KRT3: variants seen among roughly 807,000 people sequenced by gnomAD.
The protein encoded by KRT3 is keratin, type II cytoskeletal 3.
A neutral mutation model predicts 45.8 loss-of-function variants in KRT3; 34 were observed. That is an observed-to-expected ratio of 0.74 (90% CI 0.57 to 0.99). The LOEUF is 0.99. Among genes scored for constraint, KRT3 ranks in the 50% least tolerant of loss-of-function variants. The probability of loss-of-function intolerance (pLI) is 0.00; values close to 1 mark genes in which losing one functional copy is unlikely to be tolerated. For missense variants in KRT3, 828 were observed against 820.6 expected (o/e 1.01, Z -0.11); for synonymous variants, 367 against 329.0 (o/e 1.12, Z -1.25).
rs917107183 is a variant in KRT3 at position 52,792,256 on chromosome 12, C to A, written c.1171G>T (p.Ala391Ser). 6.2e-7 allele frequency: 1 copy of A among 1,614,022 alleles called. No homozygotes were observed. Among genetic ancestry groups the A allele is most frequent in the Middle Eastern group, 1.7e-4 (1 of 6,026 alleles). Reference sequence around the variant, plus strand: ...GCACCCACCTTGGTCTGGTACAGGGCCTCAGCTTCGGCCTTGCTTCTCTGA... The same window carrying A: ...GCACCCACCTTGGTCTGGTACAGGGACTCAGCTTCGGCCTTGCTTCTCTGA... ...IAQRSKAEAE[A>S]LYQTKLGELQ... The change falls in exon 5 of 9, where the codon GCC becomes TCC. Residue 391 changes from alanine (A) to serine (S), a missense_variant. Ala to Ser is a moderately conservative substitution (Grantham distance 99). Coordinates refer to ENST00000417996, the MANE Select transcript of KRT3 (RefSeq NM_057088.3).
rs1565679906 is a variant in KRT3 at position 52,795,975 on chromosome 12, A to T, written c.68T>A (p.Val23Asp). 2.5e-6 allele frequency: 4 copies of T among 1,613,960 alleles called. No individual in the cohort carries two copies. Among genetic ancestry groups the T allele is most frequent in the Non-Finnish European group, 2.5e-6 (3 of 1,179,970 alleles). Residue 23 changes from valine to aspartate, a missense_variant, in exon 1 of 9, where the codon GTC (valine) becomes GAC (aspartate). Physicochemically the swap from Val to Asp is radical, Grantham distance 152. Transcript: ENST00000417996. ...ACAGCTCATCCTGCTGCTGCCGGAG[A>T]CCACAGCAGAGCGGCCGGAGAAACC... ...SQGFSGRSAV[V>D]SGSSRMSCVA... is the part of the protein sequence containing the mutation.
chr12:52,796,053 T>C lies in KRT3; in HGVS notation c.-11A>G, dbSNP rs535660288. 1.3e-5 allele frequency: 21 copies of C among 1,612,508 alleles called. 1 individual carries two copies. The South Asian group carries it at 2.1e-4, about 16-fold the overall frequency. On this transcript the variant is annotated 5_prime_UTR_variant, in exon 1 of 9. Coordinates refer to ENST00000417996, the MANE Select transcript of KRT3 (RefSeq NM_057088.3). ...GGCTTGTCTGCTCATGGTAAGGAGC[T>C]TGGCGAAGAGAAGAGTGTAAGTTAA...
At chr12:52,792,625 G>A (rs1461486094) in intron 4 of KRT3, 86 bp downstream of exon 4, 1 of 1,063,054 alleles carries the variant, frequency 9.4e-7, no homozygotes, top group African/African-American at 1.6e-5. Context: ...GATGTCTTCT[G>A]GGGCCTATAT....
At chr12:52,792,935 G>A (rs554920821) in intron 3 of KRT3, 129 bp from the exon 4 acceptor site, 16 of 725,706 alleles carry the variant, frequency 2.2e-5, no homozygotes, top group African/African-American at 3.5e-5. Flanking sequence ...CCACTTGAAC[G>A]GGCAATTTGT....
At chr12:52,792,843 A>G (rs1359239682) in intron 3 of KRT3, 37 bp from the exon 4 acceptor site, 13 of 1,351,214 alleles carry the variant, frequency 9.6e-6, no homozygotes, top group Non-Finnish European at 1.3e-5. Context: ...TATTCTCCCA[A>G]TGAACAAACA....
chr12:52,790,148 C>T lies in KRT3; in HGVS notation c.1781G>A (p.Gly594Asp). The T allele has an allele frequency of 6.5e-7, 1 of 1,547,634 alleles. No individual in the cohort carries two copies. Among genetic ancestry groups the T allele is most frequent in the Middle Eastern group, 1.7e-4 (1 of 5,758 alleles). The change falls in exon 9 of 9, where the codon GGC becomes GAC. Residue 594 changes from glycine (G) to aspartate (D), a missense_variant. By Grantham distance (94) the Gly-to-Asp change is moderately conservative. Transcript: ENST00000417996. ...CCCGCCACTGACTCCATAGCGGGCG[C>T]CAGAGATGGAGCCAAAGCCGCTGCC... is the stretch of plus-strand genomic sequence containing the variant. ...SGGSGFGSIS[G>D]ARYGVSGGGF...
Position 52,791,324 on chromosome 12 carries a change from G to T in KRT3, c.1417C>A (p.Gln473Lys). The change falls in exon 7 of 9, where the codon CAG becomes AAG. Residue 473 changes from glutamine to lysine, a missense_variant. Gln to Lys is a moderately conservative substitution (Grantham distance 53). Coordinates refer to ENST00000417996, the MANE Select transcript of KRT3 (RefSeq NM_057088.3). ...AGCCGCGCCAGGTCATCCTTCGCCT[G>T]CTGTAGAGCAGCCTGCAGCTCTTGG... ...KLQELQAALQ[Q>K]AKDDLARLLR... The T allele has an allele frequency of 6.2e-7, 1 of 1,614,258 alleles. No homozygotes were observed. Among genetic ancestry groups the T allele is most frequent in the South Asian group, 1.1e-5 (1 of 91,090 alleles).
rs1410748881 is a variant in KRT3 at position 52,793,033 on chromosome 12, C to A, written c.927+130G>T. The A allele has an allele frequency of 8.3e-6, 6 of 720,750 alleles. No individual in the cohort carries two copies. The South Asian group carries it at 8.9e-5, about 11-fold the overall frequency. 44.6% of individuals were successfully genotyped at this position (720,750 alleles called of 1,614,324 possible). On this transcript the variant is annotated intron_variant, in intron 3 of 8. Transcript: ENST00000417996. ...TTTAGGGATCTTCCAGACTAAGGTG[C>A]ACCTGACTTCTGTTTATTGCTCCAA...
Position 52,795,535 on chromosome 12 carries a change from T to A in KRT3, c.508A>T (p.Ile170Phe). The change falls in exon 1 of 9, where the codon ATT (isoleucine) becomes TTT (phenylalanine). Residue 170 changes from isoleucine (I) to phenylalanine (F), a missense_variant. Physicochemically the swap from Ile to Phe is conservative, Grantham distance 21 (BLOSUM62 0). Coordinates refer to ENST00000417996, the MANE Select transcript of KRT3 (RefSeq NM_057088.3). ...GFGPGGFPGG[I>F]QEVTINQSLL... ...CTCTGGTTGATAGTCACTTCCTGAA[T>A]TCCCCCAGGAAAGCCCCCAGGGCCA... 6.2e-7 allele frequency: 1 copy of A among 1,614,022 alleles called. No individual in the cohort carries two copies. Among genetic ancestry groups the A allele is most frequent in the Non-Finnish European group, 8.5e-7 (1 of 1,179,980 alleles).
At chr12:52,792,452 C>G (rs778224282) in intron 4 of KRT3, 49 bp from the exon 5 acceptor site, 1 of 1,561,938 alleles carries the variant, frequency 6.4e-7, no homozygotes, top group South Asian at 1.1e-5. Context: ...CTGTAACAAG[C>G]ACACAGGGCC....
At position 52,792,279 on chromosome 12, in the gene KRT3, T is replaced by A. The variant is rs746507044; in HGVS notation, c.1148A>T (p.Gln383Leu). 4 of 1,614,174 alleles carry A rather than the reference T, an allele frequency of 2.5e-6. No individual in the cohort carries two copies. The highest frequency in any genetic ancestry group is 3.4e-6 in the Non-Finnish European group (4 of 1,180,012). ...GGCCTCAGCTTCGGCCTTGCTTCTC[T>A]GAGCGATATCCTCATACTGTGCACG... ...EVRAQYEDIAQRSKAEAEALY... is the reference protein window; with the variant it reads ...EVRAQYEDIALRSKAEAEALY... Residue 383 changes from glutamine (Q) to leucine (L), a missense_variant, in exon 5 of 9, where the codon CAG (glutamine) becomes CTG (leucine). Coordinates refer to ENST00000417996, the MANE Select transcript of KRT3 (RefSeq NM_057088.3).
In KRT3 at chr12:52,793,159, T is replaced by C; in HGVS notation, c.927+4A>G. On this transcript the variant is annotated splice_donor_region_variant and intron_variant, in intron 3 of 8. Coordinates refer to ENST00000417996, the MANE Select transcript of KRT3 (RefSeq NM_057088.3). ...GCCTCAGAAACCTCACACACAGCCC[T>C]TACCTTCTTCAGAGTCACAAATTCA... 1 of 1,610,168 alleles carries C rather than the reference T, an allele frequency of 6.2e-7. No homozygotes were observed. The highest frequency in any genetic ancestry group is 8.5e-7 in the Non-Finnish European group (1 of 1,177,594).
rs767061040 is a variant in KRT3, at chr12:52,795,757, C to T, written c.286G>A (p.Gly96Ser). ...CCACCTCCATAGCCGCTCCCAAAGC[C>T]ACCTCCATAGCCACCTGCAAAGGCA... ...SCAFAGGYGG[G>S]FGSGYGGGFG... The change falls in exon 1 of 9, where the codon GGC (glycine) becomes AGC (serine). Residue 96 changes from glycine to serine, a missense_variant. Transcript: ENST00000417996. 1 of 1,613,986 alleles carries T rather than the reference C, an allele frequency of 6.2e-7. No homozygotes were observed. Among genetic ancestry groups the T allele is most frequent in the Non-Finnish European group, 8.5e-7 (1 of 1,179,850 alleles).
At chr12:52,793,614 CAT>C (rs1384419197) in intron 2 of KRT3, among the ~76,000 whole-genome samples, 1 of 151,804 alleles carries the variant, frequency 6.6e-6, no homozygotes, top group African/African-American at 2.4e-5. Context: ...TTTTTTTAGA[CAT>C]AGTCTCGCTC....
intron 2 of KRT3, 57 bp from the exon 3 acceptor site, chr12:52,793,280 T>C (rs753369324): frequency 5.4e-5 from 66 of 1,220,880 alleles, no homozygotes; most frequent in Admixed American, 2.9e-4. Flanking sequence ...GTAAACACCA[T>C]TGTTCCCTGG....
chr12:52,790,931 A>G (rs1161137352), intron 7 of KRT3, 59 bp from the exon 8 acceptor site: 2 of 1,514,072 alleles, frequency 1.3e-6, no homozygotes, highest in Non-Finnish European at 1.8e-6. Context: ...CAACAAGTCC[A>G]CGGACCAAGG....
At position 52,789,766 on chromosome 12, in the gene KRT3, A is replaced by T; in HGVS notation, c.*276T>A. On this transcript the variant is annotated 3_prime_UTR_variant, in exon 9 of 9. Transcript: ENST00000417996. ...TATATACATCAGAGCTGTAGTGAGC[A>T]TCCCACCCAGGGAGGGGACTCCGGG... 1 of 597,092 alleles carries T rather than the reference A, an allele frequency of 1.7e-6. No homozygotes were observed. The highest frequency in any genetic ancestry group is 2.0e-5 in the South Asian group (1 of 49,768). 37.0% of individuals were successfully genotyped at this position (597,092 alleles called of 1,614,324 possible). A position where few individuals can be genotyped will look rare whatever the true frequency, so the allele number is the denominator to read the frequency against.
At chr12:52,791,174 G>A (rs1460073022) in intron 7 of KRT3, 32 bp downstream of exon 7, 2 of 1,613,774 alleles carry the variant, frequency 1.2e-6, no homozygotes, top group South Asian at 2.2e-5. Flanking sequence ...ACTTGAGCCA[G>A]GGGGTGTGGG....
At chr12:52,793,260 T>C (rs1161727487) in intron 2 of KRT3, 37 bp from the exon 3 acceptor site, 2 of 1,490,888 alleles carry the variant, frequency 1.3e-6, no homozygotes, top group Non-Finnish European at 1.8e-6. Flanking sequence ...AGTTTGGTTT[T>C]GAGGTCATCG....
Sources: gnomAD v4.1 joint callset for allele counts (sites outside exome capture counted in the v4.1 genomes callset) on GRCh38, gnomAD v4.1.1 for gene constraint, MANE v1.5 for transcripts, NCBI Gene and HGNC (gene_info 2026-07-23, HGNC 2026-07-21) for gene names.